Variants in PPP2R3A observed in about 807,000 individuals in gnomAD.
PPP2R3A encodes protein phosphatase 2 regulatory subunit B''alpha, also known as serine/threonine-protein phosphatase 2A regulatory subunit B'' subunit alpha.
Under a neutral mutation model 106.9 loss-of-function variants are expected in PPP2R3A, and 80 were observed. That is an observed-to-expected ratio of 0.75 (90% confidence interval 0.62 to 0.90). The LOEUF (loss-of-function observed/expected upper bound fraction) is 0.90. PPP2R3A is among the 40% of genes least tolerant of loss of function. The pLI, the probability that PPP2R3A is intolerant of heterozygous loss-of-function variation, is 0.00. For missense variants in PPP2R3A, 1,386 were observed against 1,350.4 expected, an observed-to-expected ratio of 1.03 and a Z score of -0.41; for synonymous variants, 483 against 468.3, an observed-to-expected ratio of 1.03 and a Z score of -0.41.
chr3:136,007,055 T>C (rs1559865326), intron 2 of PPP2R3A, among the ~76,000 whole-genome samples: 1 of 152,212 alleles, frequency 6.6e-6, no homozygotes, highest in Non-Finnish European at 1.5e-5. Flanking sequence ...GCAGGCAGTC[T>C]GCCTGACAAC....
At chr3:136,143,727 G>A (rs1938976244) in intron 13 of PPP2R3A, among the ~76,000 whole-genome samples, 1 of 152,064 alleles carries the variant, frequency 6.6e-6, no homozygotes, top group Non-Finnish European at 1.5e-5. Context: ...GGAGGCAGAG[G>A]TTGCAATGAG....
chr3:136,004,877 G>A (rs533160288), intron 2 of PPP2R3A, among the ~76,000 whole-genome samples: 7 of 152,136 alleles, frequency 4.6e-5, no homozygotes, highest in African/African-American at 7.2e-5. Flanking sequence ...TAAATATTAC[G>A]TAGTAATTTT....
At chr3:135,998,674 G>GT (rs1380943653) in intron 1 of PPP2R3A, among the ~76,000 whole-genome samples, 3 of 152,124 alleles carry the variant, frequency 2.0e-5, no homozygotes, top group Admixed American at 2.0e-4. Flanking sequence ...TAAAATATAT[G>GT]TAAAAGAATG....
intron 4 of PPP2R3A, among the ~76,000 whole-genome samples, chr3:136,045,906 A>G (rs933282212): frequency 2.6e-5 from 4 of 152,326 alleles, no homozygotes; most frequent in East Asian, 3.9e-4. Flanking sequence ...CATACAGGCC[A>G]GGCACAGTGA....
At position 136,147,203 on chromosome 3, in the gene PPP2R3A, C is replaced by CA. The variant is rs886985684; in HGVS notation, c.*2043dup. The CA allele has an allele frequency of 2.6e-5, 4 of 152,044 alleles. No individual in the cohort carries two copies. In the East Asian group the frequency reaches 5.8e-4, roughly 22 times the overall value. 9.4% of individuals were successfully genotyped at this position (152,044 alleles called of 1,614,324 possible). The stretch of plus-strand genomic sequence containing the variant: ...GCAACATAGTGAGACTCCGTCTCTA[C>CA]AAAAAATAAATTTAGCTGGGCATGG... On this transcript the variant is annotated 3_prime_UTR_variant, in exon 14 of 14. Transcript: ENST00000264977.
chr3:136,041,673 A>AAT (rs58859041), intron 4 of PPP2R3A, among the ~76,000 whole-genome samples: 1 of 151,944 alleles, frequency 6.6e-6, no homozygotes, highest in African/African-American at 2.4e-5. Flanking sequence ...TCATTCCCAT[A>AAT]GATCCAATTT....
At position 136,146,704 on chromosome 3, in the gene PPP2R3A, T is replaced by G. The variant is rs1288734327; in HGVS notation, c.*1538T>G. On this transcript the variant is annotated 3_prime_UTR_variant, in exon 14 of 14. Transcript: ENST00000264977. ...CTATCTAATAGTTCACACAAAAGAA[T>G]TAAAAGCTTAAAAATAATTTTTAGG... The G allele has an allele frequency of 6.6e-6, 1 of 152,086 alleles. No homozygotes were observed. The highest frequency in any genetic ancestry group is 1.5e-5 in the Non-Finnish European group (1 of 68,024). The allele number at this position is 152,086 out of a possible 1,614,324, so 9.4% of individuals were successfully genotyped here. A position where few individuals can be genotyped will look rare whatever the true frequency, so the allele number is the denominator to read the frequency against.
chr3:136,083,150 A>G (rs1936833528), intron 8 of PPP2R3A, among the ~76,000 whole-genome samples: 1 of 152,130 alleles, frequency 6.6e-6, no homozygotes, highest in Non-Finnish European at 1.5e-5. Flanking sequence ...AGTAGCTGGG[A>G]CTACAGGCAC....
intron 13 of PPP2R3A, among the ~76,000 whole-genome samples, chr3:136,127,461 G>GA (rs1454184850): frequency 2.0e-5 from 3 of 152,030 alleles, no homozygotes; most frequent in Admixed American, 6.6e-5. Context: ...CAAGGTTAGA[G>GA]AAAAAAGAGT....
chr3:136,082,432 C>G lies in PPP2R3A; in HGVS notation c.2788+11C>G, dbSNP rs758903552. On this transcript the variant is annotated intron_variant, in intron 8 of 13. Transcript: ENST00000264977. ...GATACAATGACCAGGGTAAGTGATTCTGTAGATGCTAAGACTTAACCATTT... is the reference window on the plus strand; with the variant it reads ...GATACAATGACCAGGGTAAGTGATTGTGTAGATGCTAAGACTTAACCATTT... 17 of 1,611,168 alleles carry G rather than the reference C, an allele frequency of 1.1e-5. No individual in the cohort carries two copies. The South Asian group carries it at 1.9e-4, about 18-fold the overall frequency.
intron 5 of PPP2R3A, among the ~76,000 whole-genome samples, chr3:136,060,506 C>T (rs61791712): frequency 0.34 from 51,997 of 151,880 alleles, 9,813 homozygotes; most frequent in African/African-American, 0.51. Flanking sequence ...ATACAGTTCT[C>T]ATGAGATCTG....
intron 13 of PPP2R3A, among the ~76,000 whole-genome samples, chr3:136,109,815 T>TG (rs1937568046): frequency 6.6e-6 from 1 of 152,106 alleles, no homozygotes; most frequent in Non-Finnish European, 1.5e-5. Flanking sequence ...GGAAAGCAGA[T>TG]GGGATCAAAA....
At chr3:136,102,283 A>C in intron 11 of PPP2R3A, 101 bp downstream of exon 11, 1 of 1,271,876 alleles carries the variant, frequency 7.9e-7, no homozygotes, top group Non-Finnish European at 1.1e-6. Flanking sequence ...CAGAGTCTTG[A>C]TAGAAGACTT....
At chr3:136,111,261 T>C (rs1937587073) in intron 13 of PPP2R3A, among the ~76,000 whole-genome samples, 1 of 152,144 alleles carries the variant, frequency 6.6e-6, no homozygotes, top group African/African-American at 2.4e-5. Context: ...TGGTTCTTAT[T>C]TGTATAAGAG....
At chr3:136,010,354 G>C (rs570500470) in intron 2 of PPP2R3A, among the ~76,000 whole-genome samples, 1 of 141,042 alleles carries the variant, frequency 7.1e-6, no homozygotes. Context: ...TGCCTCCCTC[G>C]ATTCTCCTGC....
chr3:135,978,146 CATT>C (rs2107755273), intron 1 of PPP2R3A, among the ~76,000 whole-genome samples: 1 of 152,214 alleles, frequency 6.6e-6, no homozygotes, highest in South Asian at 2.1e-4. Context: ...TTAAAAAAAT[CATT>C]ATAAAGTTAG....
At chr3:136,050,412 G>T (rs1403261842) in intron 5 of PPP2R3A, among the ~76,000 whole-genome samples, 3 of 152,140 alleles carry the variant, frequency 2.0e-5, no homozygotes, top group African/African-American at 4.8e-5. Flanking sequence ...CCTTCCTGAG[G>T]TTTCTCAGCC....
At chr3:136,040,989 G>A in intron 4 of PPP2R3A, 27 bp downstream of exon 4, 1 of 1,585,368 alleles carries the variant, frequency 6.3e-7, no homozygotes. Flanking sequence ...TCTCTCTGGA[G>A]CTAGGCAAAG....
intron 3 of PPP2R3A, among the ~76,000 whole-genome samples, chr3:136,031,990 CT>C (rs755843798): frequency 1.1e-4 from 17 of 152,104 alleles, no homozygotes; most frequent in South Asian, 2.1e-4. Flanking sequence ...CATGCGGGCT[CT>C]TTTTTGGTTC....
Sources: gnomAD v4.1 joint callset for allele counts (sites outside exome capture counted in the v4.1 genomes callset) on GRCh38, gnomAD v4.1.1 for gene constraint, MANE v1.5 for transcripts, NCBI Gene and HGNC (gene_info 2026-07-23, HGNC 2026-07-21) for gene names.